The following GFOD1 variants were observed in gnomAD, a reference collection of about 807,000 sequenced individuals.
GFOD1 encodes the protein glucose-fructose oxidoreductase domain-containing protein 1.
In GFOD1, 9 loss-of-function variants were observed where a neutral mutation model predicts 25.4. The ratio of observed to expected loss-of-function variants is 0.35; its 90% CI spans 0.21 to 0.62. The LOEUF is 0.62. Among genes scored for constraint, GFOD1 ranks in the 20% least tolerant of loss-of-function variants. GFOD1 has a pLI of 0.72. For missense variants in GFOD1, 403 were observed against 556.9 expected, an observed-to-expected ratio of 0.72 and a Z score of 2.78; for synonymous variants, 253 against 245.6, an observed-to-expected ratio of 1.03 and a Z score of -0.28.
At chr6:13,420,007 G>A (rs1050097294) in intron 1 of GFOD1, among the ~76,000 whole-genome samples, 1 of 152,212 alleles carries the variant, frequency 6.6e-6, no homozygotes. Flanking sequence ...CCTCTGAGAA[G>A]GTGTGTGAGC....
At chr6:13,419,881 C>T (rs970821388) in intron 1 of GFOD1, among the ~76,000 whole-genome samples, 2 of 152,242 alleles carry the variant, frequency 1.3e-5, no homozygotes, top group African/African-American at 4.8e-5. Flanking sequence ...TCTCTGCCCA[C>T]CCCATGGAGG....
intron 1 of GFOD1, among the ~76,000 whole-genome samples, chr6:13,368,509 A>G (rs1389758914): frequency 3.3e-5 from 5 of 152,322 alleles, no homozygotes; most frequent in African/African-American, 1.2e-4. Context: ...ACAGATTTAT[A>G]TGTAAATGCA....
At chr6:13,370,432 C>T (rs1489251095) in intron 1 of GFOD1, among the ~76,000 whole-genome samples, 4 of 152,082 alleles carry the variant, frequency 2.6e-5, no homozygotes, top group South Asian at 4.1e-4. Flanking sequence ...TAAGATAATC[C>T]TTCCAGTTCC....
intron 1 of GFOD1, among the ~76,000 whole-genome samples, chr6:13,476,136 T>C (rs535951800): frequency 2.3e-4 from 35 of 152,332 alleles, no homozygotes; most frequent in Middle Eastern, 6.8e-3. Context: ...AAAAGACTTA[T>C]ATGCAAATGT....
At chr6:13,395,331 T>C (rs1253948155) in intron 1 of GFOD1, among the ~76,000 whole-genome samples, 1 of 152,212 alleles carries the variant, frequency 6.6e-6, no homozygotes, top group East Asian at 1.9e-4. Context: ...AGCCATGGCC[T>C]TGGCATGGCC....
intron 1 of GFOD1, chr6:13,470,195 T>C (rs144875840): frequency 1.3e-6 from 2 of 1,584,128 alleles, no homozygotes; most frequent in African/African-American, 1.3e-5. Context: ...GATGAACGCA[T>C]CTATCTGTAA....
At chr6:13,466,407 T>C (rs1233501112) in intron 1 of GFOD1, among the ~76,000 whole-genome samples, 2 of 152,190 alleles carry the variant, frequency 1.3e-5, no homozygotes, top group Non-Finnish European at 2.9e-5. Flanking sequence ...AACAACAGGC[T>C]TTCCACCCAC....
At chr6:13,468,199 G>A (rs543866538) in intron 1 of GFOD1, among the ~76,000 whole-genome samples, 25 of 152,146 alleles carry the variant, frequency 1.6e-4, no homozygotes, top group African/African-American at 3.4e-4. Context: ...GTGTGTGTGC[G>A]TGTGTGTGAT....
intron 1 of GFOD1, among the ~76,000 whole-genome samples, chr6:13,479,847 A>C (rs983775360): frequency 6.6e-6 from 1 of 152,222 alleles, no homozygotes; most frequent in Non-Finnish European, 1.5e-5. Flanking sequence ...CTCAGTGCTC[A>C]GGGGCAGGAA....
At chr6:13,400,838 G>C (rs970825619) in intron 1 of GFOD1, among the ~76,000 whole-genome samples, 1 of 152,172 alleles carries the variant, frequency 6.6e-6, no homozygotes, top group Non-Finnish European at 1.5e-5. Flanking sequence ...CTGTTCTGTG[G>C]GACAAGGGAG....
intron 1 of GFOD1, among the ~76,000 whole-genome samples, chr6:13,381,473 C>T (rs750564015): frequency 1.3e-5 from 2 of 152,188 alleles, no homozygotes; most frequent in Non-Finnish European, 2.9e-5. Flanking sequence ...AAAAGGGTCC[C>T]AGCGGAGCTG....
At chr6:13,470,378 C>T in intron 1 of GFOD1, 8 of 1,550,226 alleles carry the variant, frequency 5.2e-6, no homozygotes, top group Non-Finnish European at 7.0e-6. Context: ...TCCCCGTGGG[C>T]CTCCAGGGAA....
intron 1 of GFOD1, among the ~76,000 whole-genome samples, chr6:13,414,424 AG>A (rs547749049): frequency 2.0e-4 from 31 of 152,352 alleles, no homozygotes; most frequent in Admixed American, 5.9e-4. Flanking sequence ...GAGGCTTAAG[AG>A]GCTGAGAAGC....
At chr6:13,424,615 T>C (rs1265055180) in intron 1 of GFOD1, among the ~76,000 whole-genome samples, 1 of 152,218 alleles carries the variant, frequency 6.6e-6, no homozygotes, top group Non-Finnish European at 1.5e-5. Context: ...AAAAACAGTA[T>C]AATCATTATT....
intron 1 of GFOD1, among the ~76,000 whole-genome samples, chr6:13,440,002 A>G (rs771016092): frequency 3.9e-5 from 6 of 152,152 alleles, no homozygotes; most frequent in Non-Finnish European, 8.8e-5. Context: ...AGGCCTCTCT[A>G]ATCCCAGAAC....
intron 1 of GFOD1, among the ~76,000 whole-genome samples, chr6:13,379,378 C>A (rs1251225618): frequency 6.6e-6 from 1 of 152,124 alleles, no homozygotes; most frequent in East Asian, 1.9e-4. Flanking sequence ...GGGCACACAG[C>A]CAGGCTTGGC....
chr6:13,379,895 G>A (rs1344770017), intron 1 of GFOD1, among the ~76,000 whole-genome samples: 1 of 152,100 alleles, frequency 6.6e-6, no homozygotes, highest in Non-Finnish European at 1.5e-5. Context: ...CAGGGGACGT[G>A]GATTGAAATT....
Position 13,397,719 on chromosome 6 carries a change from A to G in GFOD1, c.254-32057T>C, listed in dbSNP as rs558800661. On this transcript the variant is annotated intron_variant, in intron 1 of 1. Coordinates refer to ENST00000379287, the MANE Select transcript of GFOD1 (RefSeq NM_018988.4). ...ATTCAGTCTTAGGAATGAGCAGAAG[A>G]TGGTGATGTCTTGCAGTGGGCATAC... Among the ~76,000 whole-genome samples, 3 of 152,374 alleles carry G rather than the reference A, an allele frequency of 2.0e-5. No homozygotes were observed. In the South Asian group the frequency reaches 6.2e-4, roughly 32 times the overall value.
At chr6:13,409,130 A>AAAGAAAGAAAGAAAGAAAGAAAGG (rs1562209331) in intron 1 of GFOD1, among the ~76,000 whole-genome samples, 2 of 47,244 alleles carry the variant, frequency 4.2e-5, no homozygotes, top group African/African-American at 8.5e-5. Context: ...AGAAAGAAAG[A>AAAGAAAGAAAGAAAGAAAGAAAGG]AAGAAAGAAA....
Sources: gnomAD v4.1 joint callset for allele counts (sites outside exome capture counted in the v4.1 genomes callset) on GRCh38, gnomAD v4.1.1 for gene constraint, MANE v1.5 for transcripts, NCBI Gene and HGNC (gene_info 2026-07-23, HGNC 2026-07-21) for gene names.